Variants in STK3 observed in about 807,000 individuals in gnomAD.
STK3 encodes serine/threonine kinase 3.
Under a neutral mutation model 58.0 loss-of-function variants are expected in STK3, and 41 were observed. That is an observed-to-expected ratio of 0.71 (90% CI 0.55 to 0.92). STK3 has a LOEUF of 0.92. Ranked by LOEUF, STK3 falls within the 40% of genes least tolerant of loss-of-function variation. The pLI is 0.00. For synonymous variants in STK3, 170 were observed against 191.0 expected (o/e 0.89, Z 0.91); for missense variants, 479 against 602.7 (o/e 0.79, Z 2.15).
chr8:98,585,361 C>A (rs1352638099), intron 7 of STK3, among the ~76,000 whole-genome samples: 1 of 152,038 alleles, frequency 6.6e-6, no homozygotes, highest in East Asian at 1.9e-4. Context: ...GAATCCTTTC[C>A]CCATTGCTTG....
chr8:98,512,774 A>T (rs1487349007), intron 10 of STK3, among the ~76,000 whole-genome samples: 1 of 152,146 alleles, frequency 6.6e-6, no homozygotes, highest in Non-Finnish European at 1.5e-5. Flanking sequence ...ACTTGTATTA[A>T]AATTTCGTAT....
intron 3 of STK3, among the ~76,000 whole-genome samples, chr8:98,765,001 G>A (rs564600518): frequency 2.6e-5 from 4 of 152,176 alleles, no homozygotes; most frequent in Admixed American, 2.6e-4. Context: ...TAATGGGTTG[G>A]AGGAGGCAAA....
intron 1 of STK3, among the ~76,000 whole-genome samples, chr8:98,795,024 C>T (rs903367277): frequency 2.0e-4 from 26 of 132,004 alleles, no homozygotes; most frequent in Admixed American, 7.6e-4. Flanking sequence ...GACGAGATCG[C>T]GCCATTGCAC....
chr8:98,498,232 T>C (rs1045261373), intron 10 of STK3, among the ~76,000 whole-genome samples: 2 of 151,476 alleles, frequency 1.3e-5, no homozygotes, highest in African/African-American at 4.9e-5. Context: ...GGTAGAGGGG[T>C]AGAGAAAATG....
At chr8:98,636,987 C>T (rs2130568703) in intron 6 of STK3, among the ~76,000 whole-genome samples, 1 of 151,590 alleles carries the variant, frequency 6.6e-6, no homozygotes, top group Admixed American at 6.6e-5. Context: ...AAAGTACTTC[C>T]ATTTTGGACA....
Position 98,429,003 on chromosome 8 carries a change from A to C in STK3, n.483+5124T>G, listed in dbSNP as rs751114787. The C allele has an allele frequency of 1.9e-6, 3 of 1,613,872 alleles. No homozygotes were observed. In the South Asian group the frequency reaches 3.3e-5, roughly 18 times the overall value. On this transcript the variant is annotated intron_variant and non_coding_transcript_variant, in intron 3 of 3. Transcript: ENST00000517832. Reference sequence around the variant, plus strand: ...GCTCTACCTCTCCGTGGGGATTTCCATCTTCTCCGTGGTGGCCTACACCAT... The same window carrying C: ...GCTCTACCTCTCCGTGGGGATTTCCCTCTTCTCCGTGGTGGCCTACACCAT...
intron 9 of STK3, among the ~76,000 whole-genome samples, chr8:98,535,845 TA>T (rs898063932): frequency 1.6e-4 from 24 of 152,034 alleles, no homozygotes; most frequent in African/African-American, 5.3e-4. Context: ...TAATCTTCTA[TA>T]AAAACCTTCA....
In STK3 at chr8:98,383,706, C is replaced by T. The variant is rs113449022; in HGVS notation, n.56+4486G>A. The stretch of plus-strand genomic sequence containing the variant: ...CCAGCAGTTTAAAAATTCTGTACCA[C>T]GTAGTTGTACCATGTTGTGCTCTGT... On this transcript the variant is annotated intron_variant and non_coding_transcript_variant, in intron 1 of 2. Transcript: ENST00000518704. Among the ~76,000 whole-genome samples the T allele has an allele frequency of 9.1e-3, 1,387 of 152,318 alleles. 21 individuals carry two copies. Among genetic ancestry groups the T allele is most frequent in the African/African-American group, 0.031 (1,294 of 41,550 alleles).
In STK3 at chr8:98,419,492, C is replaced by G. The variant is rs1054523984; in HGVS notation, n.483+14635G>C. On this transcript the variant is annotated intron_variant and non_coding_transcript_variant, in intron 3 of 3. Transcript: ENST00000517832. Reference sequence around the variant, plus strand: ...GTGCGGATAAGTTCACAGTGGAAGACTTTATTCTGAGAAAAGGAAAACAAA... The same window carrying G: ...GTGCGGATAAGTTCACAGTGGAAGAGTTTATTCTGAGAAAAGGAAAACAAA... 1.8e-4 allele frequency among the ~76,000 whole-genome samples: 28 copies of G among 152,186 alleles called. 1 individual carries two copies.
At chr8:98,864,458 A>T (rs1341144671) in intron 3 of STK3, among the ~76,000 whole-genome samples, 1 of 152,166 alleles carries the variant, frequency 6.6e-6, no homozygotes, top group East Asian at 1.9e-4. Flanking sequence ...TCATTTGGTG[A>T]GAGAAAATCT....
At chr8:98,649,911 G>C (rs917351326) in intron 6 of STK3, among the ~76,000 whole-genome samples, 1 of 152,086 alleles carries the variant, frequency 6.6e-6, no homozygotes, top group Admixed American at 6.5e-5. Context: ...CTTTCAATTA[G>C]ATTTTTACGA....
intron 1 of STK3, among the ~76,000 whole-genome samples, chr8:98,814,173 G>A (rs1432573042): frequency 1.3e-5 from 2 of 151,710 alleles, no homozygotes; most frequent in African/African-American, 2.4e-5. Flanking sequence ...TCAGCCTCCC[G>A]AGTAGCTGGG....
chr8:98,586,198 GT>G (rs1326599337), intron 7 of STK3, among the ~76,000 whole-genome samples: 1 of 151,498 alleles, frequency 6.6e-6, no homozygotes, highest in Non-Finnish European at 1.5e-5. Context: ...AATGCTTCCA[GT>G]TTTTGCCCAT....
At chr8:98,934,040 G>A (rs1426989849) in intron 1 of STK3, among the ~76,000 whole-genome samples, 2 of 152,152 alleles carry the variant, frequency 1.3e-5, no homozygotes, top group African/African-American at 4.8e-5. Flanking sequence ...TTTTGACTCT[G>A]CCCCTCTGGG....
At chr8:98,622,400 A>C (rs1818402053) in intron 6 of STK3, among the ~76,000 whole-genome samples, 1 of 152,208 alleles carries the variant, frequency 6.6e-6, no homozygotes, top group Non-Finnish European at 1.5e-5. Context: ...TTACATTGCC[A>C]TTCATTCATT....
chr8:98,698,176 G>C (rs1371389237), intron 6 of STK3, among the ~76,000 whole-genome samples: 1 of 151,538 alleles, frequency 6.6e-6, no homozygotes, highest in African/African-American at 2.4e-5. Flanking sequence ...TCAGAGACTA[G>C]GATTGCAACC....
At chr8:98,369,935 C>T (rs1239619975), downstream of STK3, among the ~76,000 whole-genome samples, 4 of 151,978 alleles carry the variant, frequency 2.6e-5, no homozygotes, top group African/African-American at 9.7e-5. Flanking sequence ...AGGGTTCCTG[C>T]GTGTGGGCAA....
chr8:98,575,699 T>C (rs892026864), intron 8 of STK3, among the ~76,000 whole-genome samples: 4 of 151,856 alleles, frequency 2.6e-5, no homozygotes, highest in African/African-American at 7.3e-5. Flanking sequence ...CTTGAATTCC[T>C]GGGCTCGGGC....
In STK3 at chr8:98,795,337, T is replaced by TA. The variant is rs35961541; in HGVS notation, c.27-20519dup. On this transcript the variant is annotated intron_variant, in intron 1 of 10. Transcript: ENST00000419617. Reference sequence around the variant, plus strand: ...AATAAAATCCAACATCCCTTCATGATAAAAAAAAAAAAAAAAAACCTCTTG... The same window carrying TA: ...AATAAAATCCAACATCCCTTCATGATAAAAAAAAAAAAAAAAAAACCTCTTG... Among the ~76,000 whole-genome samples, 303 of 117,464 alleles carry TA rather than the reference T, an allele frequency of 2.6e-3. 2 individuals carry two copies. The highest frequency in any genetic ancestry group is 6.3e-3 in the South Asian group (24 of 3,794). The allele number at this position is 117,464 out of a possible 152,430, so 77.1% of individuals were successfully genotyped here. A position where few individuals can be genotyped will look rare whatever the true frequency, so the allele number is the denominator to read the frequency against.
Sources: gnomAD v4.1 joint callset for allele counts (sites outside exome capture counted in the v4.1 genomes callset) on GRCh38, gnomAD v4.1.1 for gene constraint, MANE v1.5 for transcripts, NCBI Gene and HGNC (gene_info 2026-07-23, HGNC 2026-07-21) for gene names.